PRIM2: variants seen among roughly 807,000 people sequenced by gnomAD.
PRIM2 encodes the protein DNA primase large subunit.
A neutral mutation model predicts 67.3 loss-of-function variants in PRIM2; 39 were observed. The observed-to-expected ratio is 0.58, with a 90% confidence interval of 0.45 to 0.76. The LOEUF (loss-of-function observed/expected upper bound fraction) is 0.76. Among genes scored for constraint, PRIM2 ranks in the 30% least tolerant of loss-of-function variants. The pLI, the probability that PRIM2 is intolerant of heterozygous loss-of-function variation, is 0.00. For synonymous variants in PRIM2, 143 were observed against 198.7 expected, an observed-to-expected ratio of 0.72 and a Z score of 2.36; for missense variants, 398 against 598.7, an observed-to-expected ratio of 0.66 and a Z score of 3.50.
intron 5 of PRIM2, among the ~76,000 whole-genome samples, chr6:57,364,093 G>T (rs1344489016): frequency 1.4e-5 from 2 of 144,566 alleles, no homozygotes; most frequent in African/African-American, 2.6e-5. Context: ...TTTCACATCT[G>T]CTATGTTGCT....
the PRIM2 span, among the ~76,000 whole-genome samples, chr6:57,242,219 T>C: frequency 6.6e-6 from 1 of 152,188 alleles, no homozygotes; most frequent in East Asian, 1.9e-4. Flanking sequence ...TTTCTTCCAG[T>C]ATCTTTAAAT....
the PRIM2 span, among the ~76,000 whole-genome samples, chr6:57,276,446 C>CAT: frequency 4.0e-4 from 61 of 150,964 alleles, no homozygotes; most frequent in Middle Eastern, 3.4e-3. Flanking sequence ...ATACCATTTA[C>CAT]ATATATATAT....
At chr6:57,485,148 G>A (rs1181261874) in intron 7 of PRIM2, among the ~76,000 whole-genome samples, 2 of 151,954 alleles carry the variant, frequency 1.3e-5, no homozygotes, top group Non-Finnish European at 2.9e-5. Context: ...CCATGGTAGA[G>A]ATTGAGATTC....
intron 5 of PRIM2, among the ~76,000 whole-genome samples, chr6:57,352,271 C>T (rs9475865): frequency 2.6e-5 from 4 of 152,162 alleles, no homozygotes; most frequent in Non-Finnish European, 4.4e-5. Context: ...GCCAGAGTCT[C>T]GCTCTGTTGC....
chr6:57,539,652 GTGTGTATATA>G (rs1249294505), intron 10 of PRIM2, among the ~76,000 whole-genome samples: 1,218 of 68,114 alleles, frequency 0.018, 5 homozygotes, highest in East Asian at 0.11. Context: ...GTGTGTGTGT[GTGTGTATATA>G]TATATATATA....
chr6:57,472,596 T>G (rs1412680361), intron 7 of PRIM2, among the ~76,000 whole-genome samples: 1 of 152,166 alleles, frequency 6.6e-6, no homozygotes, highest in Non-Finnish European at 1.5e-5. Context: ...TATCTTTAAA[T>G]TTTTCTTGAT....
At chr6:57,560,095 G>C (rs1404613775) in intron 10 of PRIM2, among the ~76,000 whole-genome samples, 1 of 152,328 alleles carries the variant, frequency 6.6e-6, no homozygotes, top group Admixed American at 6.5e-5. Context: ...GAACTTCTTT[G>C]AGTATTGCAG....
chr6:57,575,015 A>T (rs1335884287), intron 10 of PRIM2, among the ~76,000 whole-genome samples: 1 of 152,158 alleles, frequency 6.6e-6, no homozygotes, highest in Non-Finnish European at 1.5e-5. Flanking sequence ...TTGCATTCTC[A>T]GAGAACCTCC....
chr6:57,437,682 T>TC (rs1463635853), intron 7 of PRIM2, among the ~76,000 whole-genome samples: 17 of 150,128 alleles, frequency 1.1e-4, no homozygotes, highest in African/African-American at 3.9e-4. Context: ...TTTTTTTTTT[T>TC]TAAGACAGGG....
chr6:57,290,242 T>A, the PRIM2 span, among the ~76,000 whole-genome samples: 17 of 151,316 alleles, frequency 1.1e-4, no homozygotes, highest in African/African-American at 4.1e-4. Flanking sequence ...CCAACAAAGA[T>A]CAAAAGAGAC....
At chr6:57,328,947 C>T (rs1767962815) in intron 5 of PRIM2, among the ~76,000 whole-genome samples, 1 of 152,144 alleles carries the variant, frequency 6.6e-6, no homozygotes, top group Non-Finnish European at 1.5e-5. Context: ...ATTTGTATAT[C>T]ATCTGTGAAG....
upstream of PRIM2, among the ~76,000 whole-genome samples, chr6:57,316,995 C>A (rs1767500829): frequency 6.6e-6 from 1 of 152,214 alleles, no homozygotes; most frequent in Non-Finnish European, 1.5e-5. Flanking sequence ...GAGCGGGGAG[C>A]GAATTGAACG....
chr6:57,643,663 G>A (rs1290627175), intron 13 of PRIM2, among the ~76,000 whole-genome samples: 1 of 151,944 alleles, frequency 6.6e-6, no homozygotes, highest in Non-Finnish European at 1.5e-5. Context: ...TAATGAATTG[G>A]GTGAAAATTG....
At chr6:57,488,220 A>G (rs1773798206) in intron 7 of PRIM2, among the ~76,000 whole-genome samples, 1 of 152,172 alleles carries the variant, frequency 6.6e-6, no homozygotes. Context: ...CAATCAGAGC[A>G]TGCATAATAT....
chr6:57,279,038 A>G, the PRIM2 span, among the ~76,000 whole-genome samples: 1 of 152,188 alleles, frequency 6.6e-6, no homozygotes, highest in Admixed American at 6.5e-5. Context: ...TCTCTGAAGC[A>G]CCCATTGAAG....
Position 57,456,421 on chromosome 6 carries a change from A to G in PRIM2, c.694-50966A>G, listed in dbSNP as rs967037051. ...CATTCTCCCCATCACTTTCAGGTAC[A>G]CCAATCACACGTAGATTTGGTCTTT... On this transcript the variant is annotated intron_variant, in intron 7 of 13. Coordinates refer to ENST00000615550, the MANE Select transcript of PRIM2 (RefSeq NM_000947.5). Among the ~76,000 whole-genome samples, 587 of 152,160 alleles carry G rather than the reference A, an allele frequency of 3.9e-3. 3 individuals are homozygous for G. Among genetic ancestry groups the G allele is most frequent in the African/African-American group, 0.013 (551 of 41,516 alleles).
chr6:57,554,918 A>G (rs1338421811), intron 10 of PRIM2, among the ~76,000 whole-genome samples: 1 of 152,218 alleles, frequency 6.6e-6, no homozygotes, highest in African/African-American at 2.4e-5. Context: ...ACTGTTGAGT[A>G]TAGATAGGCT....
intron 11 of PRIM2, among the ~76,000 whole-genome samples, chr6:57,603,361 T>G (rs1250441073): frequency 6.6e-6 from 1 of 152,244 alleles, no homozygotes; most frequent in Non-Finnish European, 1.5e-5. Context: ...GTGTTTTTGA[T>G]CGCTAGCATT....
At chr6:57,579,632 G>T (rs1776042169) in intron 10 of PRIM2, among the ~76,000 whole-genome samples, 2 of 152,158 alleles carry the variant, frequency 1.3e-5, no homozygotes, top group South Asian at 4.1e-4. Flanking sequence ...GTGTGCTAAA[G>T]ATCTTGTTTT....
Sources: gnomAD v4.1 joint callset for allele counts (sites outside exome capture counted in the v4.1 genomes callset) on GRCh38, gnomAD v4.1.1 for gene constraint, MANE v1.5 for transcripts, NCBI Gene and HGNC (gene_info 2026-07-23, HGNC 2026-07-21) for gene names.